Variants in ATL2 observed in about 807,000 individuals in gnomAD.
ATL2 encodes the protein atlastin-2.
Under a neutral mutation model 73.9 loss-of-function variants are expected in ATL2, and 31 were observed. The observed-to-expected ratio is 0.42, with a 90% CI of 0.32 to 0.57. The LOEUF is 0.57. Ranked by LOEUF, ATL2 falls within the 20% of genes least tolerant of loss-of-function variation. The probability of loss-of-function intolerance (pLI) is 0.14; values close to 1 mark genes in which losing one functional copy is unlikely to be tolerated. For synonymous variants in ATL2, 291 were observed against 237.5 expected (o/e 1.23, Z -2.07); for missense variants, 738 against 702.6 (o/e 1.05, Z -0.57).
intron 7 of ATL2, among the ~76,000 whole-genome samples, chr2:38,312,387 T>C (rs1667801456): frequency 6.8e-6 from 1 of 146,320 alleles, no homozygotes; most frequent in Non-Finnish European, 1.5e-5. Context: ...ACTTCCCCCT[T>C]CACTCTCTCT....
intron 1 of ATL2, chr2:38,358,788 C>A (rs566619382): frequency 6.5e-6 from 1 of 152,984 alleles, no homozygotes; most frequent in South Asian, 2.0e-4. Context: ...TAGTCTAGCT[C>A]ATCCAATCAC....
In ATL2 at chr2:38,318,607, G is replaced by A. The variant is rs768380767; in HGVS notation, c.531C>T (p.Ala177=). The A allele has an allele frequency of 6.2e-6, 10 of 1,612,006 alleles. No individual in the cohort carries two copies. Among genetic ancestry groups the A allele is most frequent in the African/African-American group, 1.3e-5 (1 of 74,734 alleles). ...CTTTGATAGTTGACTGGCTATCAAA[G>A]GCACCCTGGGTATCCATAAGCAGCA... ...VAVLLMDTQG[A]FDSQSTIKDC... The change falls in exon 4 of 13, where the codon GCC becomes GCT. Residue 177 remains alanine (A), a synonymous_variant. Transcript: ENST00000378954.
intron 2 of ATL2, among the ~76,000 whole-genome samples, chr2:38,325,693 CACCAG>C (rs1668591468): frequency 3.3e-5 from 2 of 60,574 alleles, no homozygotes; most frequent in Non-Finnish European, 5.4e-5. Flanking sequence ...CACACACACA[CACCAG>C]TACACACACA....
chr2:38,354,880 A>C (rs1670571344), intron 1 of ATL2, among the ~76,000 whole-genome samples: 1 of 152,144 alleles, frequency 6.6e-6, no homozygotes, highest in Non-Finnish European at 1.5e-5. Flanking sequence ...AGAAGAGCGA[A>C]ACTCTTTCTC....
At chr2:38,350,364 C>A (rs1274698971) in intron 1 of ATL2, among the ~76,000 whole-genome samples, 2 of 152,126 alleles carry the variant, frequency 1.3e-5, no homozygotes, top group Non-Finnish European at 2.9e-5. Flanking sequence ...CACTAAGGTA[C>A]CTACCTAATA....
intron 1 of ATL2, among the ~76,000 whole-genome samples, chr2:38,353,647 A>C (rs924742322): frequency 2.0e-5 from 3 of 152,226 alleles, no homozygotes; most frequent in African/African-American, 7.2e-5. Flanking sequence ...GACTGCTAAA[A>C]ACCAAAAACC....
chr2:38,360,128 CAAAAAA>C (rs755582696), intron 1 of ATL2, among the ~76,000 whole-genome samples: 96 of 81,958 alleles, frequency 1.2e-3, no homozygotes, highest in African/African-American at 3.2e-3. Context: ...GGCTCCATTT[CAAAAAA>C]AAAAAAAAAA....
In ATL2 at chr2:38,318,639, C is replaced by T; in HGVS notation, c.499G>A (p.Val167Ile). ...TGGGTATCCATAAGCAGCACAGCAA[C>T]CTAGGAATTTGAGAGTTTAAAATAT... ...FVIDRPNGTK[V>I]AVLLMDTQGA... Residue 167 changes from valine (V) to isoleucine (I), a missense_variant and splice_region_variant, in exon 4 of 13, where the codon GTT becomes ATT. Val to Ile is a conservative substitution (Grantham distance 29, BLOSUM62 3). Transcript: ENST00000378954. 1.3e-6 allele frequency: 2 copies of T among 1,586,156 alleles called. No individual in the cohort carries two copies. The highest frequency in any genetic ancestry group is 1.7e-6 in the Non-Finnish European group (2 of 1,171,178).
intron 9 of ATL2, among the ~76,000 whole-genome samples, chr2:38,305,628 T>A (rs116383100): frequency 0.012 from 1,797 of 152,108 alleles, 12 homozygotes; most frequent in Non-Finnish European, 0.017. Flanking sequence ...ACGAGGAATT[T>A]TGGAAACTAT....
chr2:38,335,779 C>T (rs1460321235), intron 2 of ATL2, among the ~76,000 whole-genome samples: 1 of 152,160 alleles, frequency 6.6e-6, no homozygotes, highest in Non-Finnish European at 1.5e-5. Context: ...CGGTGGCTCA[C>T]GCCTGTAATC....
intron 1 of ATL2, among the ~76,000 whole-genome samples, chr2:38,361,131 A>G (rs1293246066): frequency 1.3e-5 from 2 of 152,130 alleles, no homozygotes; most frequent in Non-Finnish European, 1.5e-5. Flanking sequence ...AGGCAGGTGG[A>G]TCACGAGGTC....
chr2:38,307,644 G>A (rs188192877), intron 9 of ATL2, among the ~76,000 whole-genome samples: 2 of 152,158 alleles, frequency 1.3e-5, no homozygotes, highest in Non-Finnish European at 2.9e-5. Flanking sequence ...AAAAGCTTTT[G>A]CACATCAGAA....
At chr2:38,320,566 G>A (rs1243654582) in intron 2 of ATL2, among the ~76,000 whole-genome samples, 1 of 152,026 alleles carries the variant, frequency 6.6e-6, no homozygotes, top group Non-Finnish European at 1.5e-5. Flanking sequence ...AACATATAAG[G>A]TAATTTTTCT....
chr2:38,355,716 T>C (rs934090133), intron 1 of ATL2, among the ~76,000 whole-genome samples: 39 of 151,514 alleles, frequency 2.6e-4, no homozygotes, highest in African/African-American at 8.7e-4. Context: ...TTTTTTTTTT[T>C]TTTCTTTGAG....
intron 9 of ATL2, among the ~76,000 whole-genome samples, chr2:38,303,073 A>G (rs1667268439): frequency 6.6e-6 from 1 of 152,254 alleles, no homozygotes; most frequent in Admixed American, 6.5e-5. Context: ...GAAATTCAAG[A>G]TAACACAGAG....
intron 12 of ATL2, 32 bp downstream of exon 12, chr2:38,298,112 A>T: frequency 6.5e-7 from 1 of 1,543,784 alleles, no homozygotes; most frequent in Non-Finnish European, 8.8e-7. Context: ...AAATAAGATT[A>T]GTCACTAAAA....
chr2:38,330,052 C>A (rs907031417), intron 2 of ATL2, among the ~76,000 whole-genome samples: 8 of 151,850 alleles, frequency 5.3e-5, no homozygotes, highest in African/African-American at 1.9e-4. Context: ...TCGCTTAAAC[C>A]CAGGAAGCAG....
chr2:38,358,139 G>A (rs915950909), intron 1 of ATL2, among the ~76,000 whole-genome samples: 4 of 152,078 alleles, frequency 2.6e-5, no homozygotes, highest in Non-Finnish European at 5.9e-5. Context: ...GGACTAACAA[G>A]GGTCACTCTA....
At chr2:38,324,847 C>A (rs151150669) in intron 2 of ATL2, among the ~76,000 whole-genome samples, 1 of 152,144 alleles carries the variant, frequency 6.6e-6, no homozygotes, top group East Asian at 1.9e-4. Context: ...TTCATAGGGA[C>A]AGAAAGTAGA....
Sources: gnomAD v4.1 joint callset for allele counts (sites outside exome capture counted in the v4.1 genomes callset) on GRCh38, gnomAD v4.1.1 for gene constraint, MANE v1.5 for transcripts, NCBI Gene and HGNC (gene_info 2026-07-23, HGNC 2026-07-21) for gene names.